Variants in CDCA8 observed in about 807,000 individuals in gnomAD.
CDCA8 encodes the protein borealin.
Under a neutral mutation model 40.0 loss-of-function variants are expected in CDCA8, and 25 were observed. The ratio of observed to expected loss-of-function variants is 0.63; its 90% CI spans 0.46 to 0.87. The LOEUF (loss-of-function observed/expected upper bound fraction) is 0.87. Ranked by LOEUF, CDCA8 falls within the 40% of genes least tolerant of loss-of-function variation. The probability of loss-of-function intolerance (pLI) is 0.00; values close to 1 mark genes in which losing one functional copy is unlikely to be tolerated. For missense variants in CDCA8, 280 were observed against 348.4 expected (o/e 0.80, Z 1.56); for synonymous variants, 111 against 126.5 (o/e 0.88, Z 0.82).
intron 6 of CDCA8, 125 bp downstream of exon 6, chr1:37,701,943 GA>G: frequency 1.5e-6 from 1 of 678,204 alleles, no homozygotes; most frequent in Non-Finnish European, 2.6e-6. Context: ...TAAAATCACT[GA>G]ATCCTTGAGT....
chr1:37,702,661 A>T (rs998141349), intron 6 of CDCA8, among the ~76,000 whole-genome samples: 1 of 152,158 alleles, frequency 6.6e-6, no homozygotes, highest in African/African-American at 2.4e-5. Context: ...TTAAAAAGTC[A>T]GATTCTGAGG....
chr1:37,699,123 G>T (rs1645545490), intron 4 of CDCA8, 146 bp downstream of exon 4: 1 of 600,352 alleles, frequency 1.7e-6, no homozygotes, highest in African/African-American at 1.9e-5. Context: ...CTTGCTTTTG[G>T]ATGGTGCATT....
chr1:37,706,502 A>G (rs919236868), intron 8 of CDCA8, among the ~76,000 whole-genome samples: 4 of 152,256 alleles, frequency 2.6e-5, no homozygotes, highest in Non-Finnish European at 4.4e-5. Context: ...TCAGTGGTCA[A>G]GATGGGTTTG....
At chr1:37,703,230 G>C in intron 6 of CDCA8, 22 bp from the exon 7 acceptor site, 2 of 1,585,350 alleles carry the variant, frequency 1.3e-6, no homozygotes, top group Non-Finnish European at 1.7e-6. Flanking sequence ...TGGCATACCT[G>C]ATGGCCATTT....
rs1360866428 is a variant in CDCA8, at chr1:37,692,567, T to C, written c.-124T>C. ...AGCGAGGTTTTGCTCAGCCCTTGTC[T>C]CGGGACCGCAGGTACGTGCCTGGCG... On this transcript the variant is annotated 5_prime_UTR_variant, in exon 1 of 10. Transcript: ENST00000373055. The C allele has an allele frequency of 2.6e-6, 2 of 755,218 alleles. No homozygotes were observed. The highest frequency in any genetic ancestry group is 4.6e-6 in the Non-Finnish European group (2 of 432,842). 46.8% of individuals were successfully genotyped at this position (755,218 alleles called of 1,614,324 possible). A position where few individuals can be genotyped will look rare whatever the true frequency, so the allele number is the denominator to read the frequency against.
chr1:37,702,461 G>C (rs1645571805), intron 6 of CDCA8, among the ~76,000 whole-genome samples: 1 of 152,138 alleles, frequency 6.6e-6, no homozygotes, highest in African/African-American at 2.4e-5. Flanking sequence ...ACCTCTATGG[G>C]CTTGAGTTGA....
chr1:37,706,723 C>T (rs183724984), intron 8 of CDCA8, among the ~76,000 whole-genome samples: 2 of 152,328 alleles, frequency 1.3e-5, no homozygotes, highest in Middle Eastern at 3.4e-3. Context: ...GAGGGGAGGA[C>T]GGTTTGTTTC....
chr1:37,703,440 G>T (rs761701824), intron 7 of CDCA8, 93 bp downstream of exon 7: 2 of 943,816 alleles, frequency 2.1e-6, no homozygotes, highest in Non-Finnish European at 3.5e-6. Context: ...CCTAGGCCAG[G>T]CACGGTAGCT....
intron 6 of CDCA8, among the ~76,000 whole-genome samples, chr1:37,702,325 C>G (rs1645571123): frequency 6.6e-6 from 1 of 151,764 alleles, no homozygotes; most frequent in Non-Finnish European, 1.5e-5. Context: ...ATAGCAAGAA[C>G]TGCCTGTTAT....
Position 37,705,455 on chromosome 1 carries a change from C to G in CDCA8, c.599C>G (p.Pro200Arg), listed in dbSNP as rs1240287033. ...PRFDSRVFKT[P>R]GLRTPAAGER... is the part of the protein sequence containing the mutation. ...TCCCATTCTAGGGTCTTCAAGACCC[C>G]TGGCCTGCGTACTCCAGCAGCAGGA... The change falls in exon 8 of 10, where the codon CCT (proline) becomes CGT (arginine). Residue 200 changes from proline (P) to arginine (R), a missense_variant. Transcript: ENST00000373055. 1.9e-6 allele frequency: 3 copies of G among 1,614,074 alleles called. No homozygotes were observed. Among genetic ancestry groups the G allele is most frequent in the Non-Finnish European group, 2.5e-6 (3 of 1,179,968 alleles).
intron 2 of CDCA8, among the ~76,000 whole-genome samples, chr1:37,693,786 A>T (rs983750664): frequency 2.0e-5 from 3 of 152,218 alleles, no homozygotes; most frequent in African/African-American, 7.2e-5. Flanking sequence ...CAGAGCTCAG[A>T]TAGAAGAATA....
chr1:37,704,636 C>CTTTTT (rs145718694), intron 7 of CDCA8, among the ~76,000 whole-genome samples: 6 of 86,478 alleles, frequency 6.9e-5, no homozygotes, highest in African/African-American at 2.3e-4. Flanking sequence ...TTAATTGCCA[C>CTTTTT]TTTTTTTTTT....
At chr1:37,697,497 C>T (rs878991780) in intron 3 of CDCA8, among the ~76,000 whole-genome samples, 9 of 152,220 alleles carry the variant, frequency 5.9e-5, no homozygotes, top group Admixed American at 5.9e-4. Flanking sequence ...CTGCCTAGCA[C>T]ATGTCAAAAT....
At chr1:37,697,793 C>T (rs1645537737) in intron 3 of CDCA8, among the ~76,000 whole-genome samples, 1 of 152,212 alleles carries the variant, frequency 6.6e-6, no homozygotes, top group Non-Finnish European at 1.5e-5. Context: ...CAGGAATGCC[C>T]CTACTTTCTG....
Position 37,708,365 on chromosome 1 carries a change from G to A in CDCA8, c.842G>A (p.Ter281=), listed in dbSNP as rs201747681. The A allele has an allele frequency of 1.2e-6, 2 of 1,614,078 alleles. No homozygotes were observed. Among genetic ancestry groups the A allele is most frequent in the Non-Finnish European group, 1.7e-6 (2 of 1,179,950 alleles). ...TGCAGCAGCATACGGACCCACAAAT[G>A]AGACACCAAAGTTGACAGGATGGAC... ...QICSSIRTHK[*] The change falls in exon 10 of 10, where the codon TGA becomes TAA. Residue 281 remains the stop codon, a stop_retained_variant. Transcript: ENST00000373055.
intron 2 of CDCA8, among the ~76,000 whole-genome samples, chr1:37,693,902 C>T (rs964134840): frequency 6.6e-6 from 1 of 151,942 alleles, no homozygotes; most frequent in Non-Finnish European, 1.5e-5. Context: ...CTTTGGGAGG[C>T]TGAGGCGGGC....
In CDCA8 at chr1:37,707,084, C is replaced by T. The variant is rs2148291510; in HGVS notation, c.798+20C>T. 1 of 1,585,768 alleles carries T rather than the reference C, an allele frequency of 6.3e-7. No homozygotes were observed. ...CTCTCCGTAAGTCTCATATTCATCT[C>T]CACACATAGGATGCCTCCAGTAGCT... On this transcript the variant is annotated intron_variant, in intron 9 of 9. Transcript: ENST00000373055.
intron 7 of CDCA8, among the ~76,000 whole-genome samples, chr1:37,704,405 A>G (rs1370812149): frequency 1.3e-5 from 2 of 152,262 alleles, no homozygotes; most frequent in African/African-American, 4.8e-5. Flanking sequence ...AGCCATTAAA[A>G]AAGACTGGAT....
At position 37,692,935 on chromosome 1, in the gene CDCA8, A is replaced by G; in HGVS notation, c.125A>G (p.Asp42Gly). 1 of 1,614,134 alleles carries G rather than the reference A, an allele frequency of 6.2e-7. No individual in the cohort carries two copies. Among genetic ancestry groups the G allele is most frequent in the South Asian group, 1.1e-5 (1 of 91,086 alleles). The change falls in exon 2 of 10, where the codon GAC becomes GGC. Residue 42 changes from aspartate to glycine, a missense_variant. Coordinates refer to ENST00000373055, the MANE Select transcript of CDCA8 (RefSeq NM_001256875.2). ...VEIRIKQIES[D>G]RQNLLKEVDN... ...ATACGAATCAAGCAAATTGAGTCAG[A>G]CAGGCAGAACCTCCTCAAGGAGGTG...
Sources: gnomAD v4.1 joint callset for allele counts (sites outside exome capture counted in the v4.1 genomes callset) on GRCh38, gnomAD v4.1.1 for gene constraint, MANE v1.5 for transcripts, NCBI Gene and HGNC (gene_info 2026-07-23, HGNC 2026-07-21) for gene names.